Variants in RAP1A observed in about 807,000 individuals in gnomAD.
RAP1A encodes RAP1A, member of RAS oncogene family.
A neutral mutation model predicts 26.4 loss-of-function variants in RAP1A; 6 were observed. That is an observed-to-expected ratio of 0.23 (90% CI 0.12 to 0.45). The LOEUF is 0.45. RAP1A is among the 20% of genes least tolerant of loss of function. The probability of loss-of-function intolerance (pLI) is 0.99; values close to 1 mark genes in which losing one functional copy is unlikely to be tolerated. For missense variants in RAP1A, 121 were observed against 217.2 expected (o/e 0.56, Z 2.78); for synonymous variants, 73 against 79.4 (o/e 0.92, Z 0.43).
intron 1 of RAP1A, among the ~76,000 whole-genome samples, chr1:111,609,842 C>T (rs1469811607): frequency 6.6e-6 from 1 of 151,992 alleles, no homozygotes; most frequent in East Asian, 1.9e-4. Context: ...ACCTTGTTGG[C>T]CAGGCTGGGT....
At chr1:111,567,617 G>A (rs571521659) in intron 1 of RAP1A, among the ~76,000 whole-genome samples, 82 of 152,260 alleles carry the variant, frequency 5.4e-4, no homozygotes, top group Admixed American at 9.2e-4. Context: ...AAGTCCTGAG[G>A]GTAGGACCCT....
At chr1:111,546,085 A>G (rs1360667929) in intron 1 of RAP1A, among the ~76,000 whole-genome samples, 1 of 152,152 alleles carries the variant, frequency 6.6e-6, no homozygotes, top group Non-Finnish European at 1.5e-5. Flanking sequence ...TTTCAAAACT[A>G]TTTTGGTTAT....
Position 111,652,262 on chromosome 1 carries a change from G to C in RAP1A, c.-28+32328G>C, listed in dbSNP as rs1660299363. Among the ~76,000 whole-genome samples the C allele has an allele frequency of 2.6e-5, 4 of 152,186 alleles. No homozygotes were observed. The South Asian group carries it at 6.2e-4, about 24-fold the overall frequency. On this transcript the variant is annotated intron_variant, in intron 1 of 7. Coordinates refer to ENST00000369709, the MANE Select transcript of RAP1A (RefSeq NM_002884.4). ...GTGCTGGGATTATAGGCCTGACCCA[G>C]TTCAAGTATTTTTAGAACCTCTGTT...
At chr1:111,576,743 A>ACCT (rs1464345512) in intron 1 of RAP1A, among the ~76,000 whole-genome samples, 12 of 152,200 alleles carry the variant, frequency 7.9e-5, no homozygotes, top group Non-Finnish European at 1.8e-4. Context: ...TGTTGGTGCC[A>ACCT]GCTTGGAGGC....
chr1:111,605,558 C>T (rs962959164), intron 1 of RAP1A, among the ~76,000 whole-genome samples: 2 of 152,182 alleles, frequency 1.3e-5, no homozygotes, highest in African/African-American at 4.8e-5. Context: ...CTGACCTTCT[C>T]AACTGCTTGG....
intron 1 of RAP1A, among the ~76,000 whole-genome samples, chr1:111,601,082 C>T (rs1405999123): frequency 6.6e-6 from 1 of 152,162 alleles, no homozygotes; most frequent in Non-Finnish European, 1.5e-5. Flanking sequence ...CAAGACCTTT[C>T]TTGAGGGCCT....
chr1:111,564,953 G>A (rs1399992792), intron 1 of RAP1A, among the ~76,000 whole-genome samples: 1 of 152,114 alleles, frequency 6.6e-6, no homozygotes, highest in Non-Finnish European at 1.5e-5. Flanking sequence ...CATGCCAAAT[G>A]GTGATGGACA....
chr1:111,646,002 T>G (rs1660053949), intron 1 of RAP1A, among the ~76,000 whole-genome samples: 1 of 152,224 alleles, frequency 6.6e-6, no homozygotes. Context: ...TGCACACGTG[T>G]TTATATCAGG....
intron 1 of RAP1A, among the ~76,000 whole-genome samples, chr1:111,554,041 G>T (rs999091365): frequency 3.3e-5 from 5 of 152,236 alleles, no homozygotes; most frequent in African/African-American, 1.2e-4. Flanking sequence ...GAATGGTTAC[G>T]TGCATATGCA....
chr1:111,621,795 ACTTATGT>A (rs1227919628), intron 1 of RAP1A, among the ~76,000 whole-genome samples: 1 of 152,168 alleles, frequency 6.6e-6, no homozygotes, highest in East Asian at 1.9e-4. Context: ...CCAACCATGA[ACTTATGT>A]CTTAGAAGTG....
intron 1 of RAP1A, among the ~76,000 whole-genome samples, chr1:111,589,145 A>C (rs1052712242): frequency 6.6e-6 from 1 of 152,228 alleles, no homozygotes; most frequent in Non-Finnish European, 1.5e-5. Context: ...TGAAGAAACT[A>C]ATTTATTAGT....
intron 2 of RAP1A, among the ~76,000 whole-genome samples, chr1:111,691,638 C>T (rs1388205621): frequency 6.6e-6 from 1 of 152,132 alleles, no homozygotes; most frequent in Non-Finnish European, 1.5e-5. Context: ...TATTGGCTAT[C>T]TTATATGTCA....
intron 1 of RAP1A, among the ~76,000 whole-genome samples, chr1:111,674,394 G>A (rs1257956295): frequency 6.6e-6 from 1 of 151,848 alleles, no homozygotes; most frequent in Non-Finnish European, 1.5e-5. Context: ...AAATGTGGTG[G>A]TTATTTTTAA....
chr1:111,573,527 G>A (rs556920354), intron 1 of RAP1A, among the ~76,000 whole-genome samples: 2 of 152,208 alleles, frequency 1.3e-5, no homozygotes, highest in South Asian at 4.1e-4. Flanking sequence ...TAGAGACAGG[G>A]TTTCACCATG....
intron 1 of RAP1A, among the ~76,000 whole-genome samples, chr1:111,690,406 C>A (rs1661632731): frequency 6.6e-6 from 1 of 152,212 alleles, no homozygotes; most frequent in Admixed American, 6.5e-5. Flanking sequence ...CTGCAGATTT[C>A]TGGAATTTTA....
At chr1:111,680,072 C>G (rs948602384) in intron 1 of RAP1A, among the ~76,000 whole-genome samples, 1 of 152,152 alleles carries the variant, frequency 6.6e-6, no homozygotes, top group Non-Finnish European at 1.5e-5. Flanking sequence ...AAGTGGATCC[C>G]TGATCCCTGT....
chr1:111,678,166 C>T (rs987037699), intron 1 of RAP1A, among the ~76,000 whole-genome samples: 3 of 152,184 alleles, frequency 2.0e-5, no homozygotes, highest in Admixed American at 6.5e-5. Context: ...TCAGTTTCTA[C>T]AAACACTGCT....
Position 111,704,343 on chromosome 1 carries a change from G to A in RAP1A, c.325G>A (p.Val109Ile). 1.2e-6 allele frequency: 2 copies of A among 1,613,246 alleles called. No individual in the cohort carries two copies. The highest frequency in any genetic ancestry group is 1.7e-6 in the Non-Finnish European group (2 of 1,179,612). The change falls in exon 6 of 8, where the codon GTT (valine) becomes ATT (isoleucine). Residue 109 changes from valine (V) to isoleucine (I), a missense_variant and splice_region_variant. Physicochemically the swap from Val to Ile is conservative, Grantham distance 29. Coordinates refer to ENST00000369709, the MANE Select transcript of RAP1A (RefSeq NM_002884.4). Reference sequence around the variant, plus strand: ...ATTTTACGTTTTTTTCTTCCCACAGGTTCCAATGATTTTGGTTGGCAATAA... The same window carrying A: ...ATTTTACGTTTTTTTCTTCCCACAGATTCCAATGATTTTGGTTGGCAATAA... ...QILRVKDTEDVPMILVGNKCD... is the reference protein window; with the variant it reads ...QILRVKDTEDIPMILVGNKCD...
At chr1:111,686,231 AC>A (rs1379409752) in intron 1 of RAP1A, among the ~76,000 whole-genome samples, 2 of 152,172 alleles carry the variant, frequency 1.3e-5, no homozygotes, top group Admixed American at 6.5e-5. Context: ...AATGTAACAA[AC>A]CACGTTCTGC....
Sources: allele counts gnomAD v4.1 joint callset (sites outside exome capture counted in the v4.1 genomes callset), GRCh38; gene constraint gnomAD v4.1.1; transcripts MANE v1.5; gene names NCBI Gene and HGNC (gene_info 2026-07-23, HGNC 2026-07-21).